Variants in SPIRE1 observed in about 807,000 individuals in gnomAD.
SPIRE1 encodes spire type actin nucleation factor 1.
A neutral mutation model predicts 94.1 loss-of-function variants in SPIRE1; 40 were observed. The ratio of observed to expected loss-of-function variants is 0.43; its 90% CI spans 0.33 to 0.55. The LOEUF (loss-of-function observed/expected upper bound fraction) is 0.55. SPIRE1 is among the 20% of genes least tolerant of loss of function. SPIRE1 has a pLI of 0.06. For synonymous variants in SPIRE1, 376 were observed against 371.7 expected (o/e 1.01, Z -0.13); for missense variants, 838 against 975.2 (o/e 0.86, Z 1.87).
chr18:12,657,547 T>G lies in SPIRE1; in HGVS notation c.320A>C (p.Glu107Ala). The G allele has an allele frequency of 8.1e-7, 1 of 1,234,454 alleles. No homozygotes were observed. The highest frequency in any genetic ancestry group is 1.6e-5 in the African/African-American group (1 of 64,028). 76.5% of individuals were successfully genotyped at this position (1,234,454 alleles called of 1,614,324 possible). A position where few individuals can be genotyped will look rare whatever the true frequency, so the allele number is the denominator to read the frequency against. The change falls in exon 1 of 17, where the codon GAG (glutamate) becomes GCG (alanine). Residue 107 changes from glutamate (E) to alanine (A), a missense_variant. Transcript: ENST00000409402. ...TLAPAADDAG[E>A]PPPVAGKLGY... ...GGCCTCACCCGCAACTGGGGGCGGCTCTCCCGCGTCGTCGGCCGCGGGCGC... is the reference window on the plus strand; with the variant it reads ...GGCCTCACCCGCAACTGGGGGCGGCGCTCCCGCGTCGTCGGCCGCGGGCGC...
intron 1 of SPIRE1, among the ~76,000 whole-genome samples, chr18:12,654,584 T>C (rs997211445): frequency 1.9e-4 from 29 of 149,928 alleles, no homozygotes; most frequent in African/African-American, 5.2e-4. Flanking sequence ...GAGGCGGAGC[T>C]TGCAAGCTTG....
At chr18:12,626,042 G>A (rs1471356041) in intron 2 of SPIRE1, among the ~76,000 whole-genome samples, 5 of 122,356 alleles carry the variant, frequency 4.1e-5, no homozygotes, top group Admixed American at 8.8e-5. Flanking sequence ...ACACCGCCCC[G>A]CCCCCCCCCA....
intron 12 of SPIRE1, chr18:12,459,735 C>T (rs1373315952): frequency 3.0e-6 from 3 of 985,324 alleles, no homozygotes; most frequent in East Asian, 1.1e-4. Context: ...TAATCCCAGA[C>T]CCAGCAGAAA....
intron 7 of SPIRE1, 53 bp from the exon 8 acceptor site, chr18:12,493,254 G>GT: frequency 2.6e-6 from 4 of 1,525,278 alleles, no homozygotes; most frequent in Middle Eastern, 2.2e-4. Context: ...AATTTTTACT[G>GT]AAGTCTAGTC....
At chr18:12,648,519 T>C (rs2038286762) in intron 1 of SPIRE1, among the ~76,000 whole-genome samples, 1 of 151,624 alleles carries the variant, frequency 6.6e-6, no homozygotes, top group African/African-American at 2.4e-5. Context: ...TGATAAACTG[T>C]CACAGACCAG....
chr18:12,559,440 C>T lies in SPIRE1; in HGVS notation c.373-12536G>A, dbSNP rs1257370043. 3.3e-5 allele frequency among the ~76,000 whole-genome samples: 5 copies of T among 152,180 alleles called. No homozygotes were observed. The highest frequency in any genetic ancestry group is 1.9e-4 in the East Asian group (1 of 5,180). ...CTCGTGCTGGCCTGCGAACACCACGCGCAGCCCTGGTTGCCACCCGCGCCT... is the reference window on the plus strand; with the variant it reads ...CTCGTGCTGGCCTGCGAACACCACGTGCAGCCCTGGTTGCCACCCGCGCCT... On this transcript the variant is annotated intron_variant, in intron 2 of 16. Transcript: ENST00000409402. This position sits in a 1 kb window ranked among gnomAD's most constrained non-coding sequence, Gnocchi z 4.7.
chr18:12,500,103 T>C (rs1362920855), intron 6 of SPIRE1, among the ~76,000 whole-genome samples: 2 of 152,040 alleles, frequency 1.3e-5, no homozygotes, highest in East Asian at 1.9e-4. Context: ...AAGATGGAAA[T>C]AGTAGACACT....
intron 4 of SPIRE1, among the ~76,000 whole-genome samples, chr18:12,521,645 G>A (rs1278873382): frequency 5.3e-5 from 8 of 152,050 alleles, no homozygotes; most frequent in Non-Finnish European, 1.2e-4. Flanking sequence ...CAGATATCGT[G>A]TTTTTACAAA....
At chr18:12,650,701 T>C (rs1598585973) in intron 1 of SPIRE1, among the ~76,000 whole-genome samples, 3 of 100,138 alleles carry the variant, frequency 3.0e-5, no homozygotes, top group African/African-American at 8.6e-5. Flanking sequence ...AGAGCAAGAC[T>C]CCATCTCAGG....
chr18:12,606,049 T>C (rs2036966136), intron 2 of SPIRE1, among the ~76,000 whole-genome samples: 7 of 152,164 alleles, frequency 4.6e-5, no homozygotes, highest in Admixed American at 3.9e-4. Flanking sequence ...GTCACCTCTA[T>C]TGAGAGGCCT....
intron 2 of SPIRE1, among the ~76,000 whole-genome samples, chr18:12,608,157 C>CA (rs11390238): frequency 0.5 from 64,875 of 128,796 alleles, 16,115 homozygotes; most frequent in African/African-American, 0.58. Context: ...GACTCCATCT[C>CA]AAAAAAAAAA....
chr18:12,515,373 G>A (rs1419542214), intron 4 of SPIRE1, among the ~76,000 whole-genome samples: 4 of 151,864 alleles, frequency 2.6e-5, no homozygotes, highest in Admixed American at 6.6e-5. Flanking sequence ...AAAATTAGCC[G>A]GGTGTGGTGG....
At chr18:12,605,727 T>C (rs1301920672) in intron 2 of SPIRE1, among the ~76,000 whole-genome samples, 2 of 152,146 alleles carry the variant, frequency 1.3e-5, no homozygotes, top group Non-Finnish European at 2.9e-5. Flanking sequence ...TACTCCTAGG[T>C]ACAAAGGAAT....
At chr18:12,566,316 A>G (rs1338211866) in intron 2 of SPIRE1, among the ~76,000 whole-genome samples, 1 of 152,258 alleles carries the variant, frequency 6.6e-6, no homozygotes, top group East Asian at 1.9e-4. Context: ...AGCCTGGGCC[A>G]CAGAGTAAGA....
intron 2 of SPIRE1, among the ~76,000 whole-genome samples, chr18:12,634,173 G>A (rs557197846): frequency 1.1e-4 from 17 of 152,022 alleles, no homozygotes; most frequent in South Asian, 4.2e-4. Context: ...GCGTGAACCC[G>A]GGAGGCGGAG....
intron 2 of SPIRE1, among the ~76,000 whole-genome samples, chr18:12,604,303 T>A (rs938737660): frequency 6.6e-6 from 1 of 152,026 alleles, no homozygotes; most frequent in Non-Finnish European, 1.5e-5. Flanking sequence ...CAAGAGAGCA[T>A]CAGAACGGAA....
upstream of SPIRE1, among the ~76,000 whole-genome samples, chr18:12,660,085 TACAGCCAAAC>T (rs2063595236): frequency 6.6e-6 from 1 of 152,156 alleles, no homozygotes; most frequent in Admixed American, 6.6e-5. Context: ...CTTGGACAAC[TACAGCCAAAC>T]ACATTTTTAT....
upstream of SPIRE1, chr18:12,658,217 G>A: frequency 1.8e-6 from 1 of 558,206 alleles, no homozygotes; most frequent in Non-Finnish European, 3.0e-6. Flanking sequence ...TGAGGACCAG[G>A]CAGGAGGGCC....
intron 10 of SPIRE1, among the ~76,000 whole-genome samples, chr18:12,471,045 T>G (rs1034858062): frequency 6.6e-6 from 1 of 151,538 alleles, no homozygotes; most frequent in Non-Finnish European, 1.5e-5. Flanking sequence ...CACAGCTCCT[T>G]TGCTTAGCTT....
Sources: allele counts gnomAD v4.1 joint callset (sites outside exome capture counted in the v4.1 genomes callset), GRCh38; gene constraint gnomAD v4.1.1; non-coding constraint Gnocchi (gnomAD v3.1); transcripts MANE v1.5; gene names NCBI Gene and HGNC (gene_info 2026-07-23, HGNC 2026-07-21).